PDE7A: variants seen among roughly 807,000 people sequenced by gnomAD.
PDE7A encodes phosphodiesterase 7A.
PDE7A carries 39 observed loss-of-function variants against 64.3 expected under a neutral mutation model. The ratio of observed to expected loss-of-function variants is 0.61; its 90% CI spans 0.47 to 0.79. The LOEUF is 0.79. Ranked by LOEUF, PDE7A falls within the 30% of genes least tolerant of loss-of-function variation. The probability of loss-of-function intolerance (pLI) is 0.00; values close to 1 mark genes in which losing one functional copy is unlikely to be tolerated. For missense variants in PDE7A, 470 were observed against 582.8 expected (o/e 0.81, Z 1.99); for synonymous variants, 203 against 206.8 (o/e 0.98, Z 0.16).
chr8:65,723,250 CAAATGATG>C, intron 12 of PDE7A: 1 of 184,458 alleles, frequency 5.4e-6, no homozygotes, highest in Non-Finnish European at 1.1e-5. Flanking sequence ...ATGGCAGTCC[CAAATGATG>C]CAAAAGAAGC....
chr8:65,824,210 T>G (rs1430321431), intron 1 of PDE7A, among the ~76,000 whole-genome samples: 1 of 152,246 alleles, frequency 6.6e-6, no homozygotes, highest in Non-Finnish European at 1.5e-5. Context: ...TTAATTATTG[T>G]ATTTGTTATG....
rs184097371 is a variant in PDE7A at position 65,811,911 on chromosome 8, G to T, written c.139-29068C>A. Among the ~76,000 whole-genome samples the T allele has an allele frequency of 4.8e-4, 73 of 152,228 alleles. 1 individual carries two copies. The highest frequency in any genetic ancestry group is 3.1e-3 in the Admixed American group (48 of 15,268). The stretch of plus-strand genomic sequence containing the variant: ...CATGAATAGACAGATCAATGGAAAA[G>T]AATAGAAAGTCCAGGCCAGGCGAGG... On this transcript the variant is annotated intron_variant, in intron 1 of 12. Transcript: ENST00000401827.
chr8:65,808,658 A>G (rs1034882587), intron 1 of PDE7A, among the ~76,000 whole-genome samples: 2 of 152,204 alleles, frequency 1.3e-5, no homozygotes, highest in African/African-American at 4.8e-5. Flanking sequence ...TTAATGATGA[A>G]CATGTATTAA....
chr8:65,828,790 A>G (rs1810740531), intron 1 of PDE7A, among the ~76,000 whole-genome samples: 1 of 152,150 alleles, frequency 6.6e-6, no homozygotes, highest in South Asian at 2.1e-4. Flanking sequence ...CTCTTCTGCC[A>G]AAACAAAACA....
chr8:65,723,568 T>C lies in PDE7A; in HGVS notation c.1216A>G (p.Thr406Ala). The C allele has an allele frequency of 1.3e-6, 2 of 1,584,424 alleles. No homozygotes were observed. Among genetic ancestry groups the C allele is most frequent in the Middle Eastern group, 1.7e-4 (1 of 5,950 alleles). ...LGVSPLCDRH[T>A]ESIANIQIGF... Reference sequence around the variant, plus strand: ...ATCTGGATGTTGGCAATAGATTCAGTGTGACGATCGCAAAGTGGACTCACA... The same window carrying C: ...ATCTGGATGTTGGCAATAGATTCAGCGTGACGATCGCAAAGTGGACTCACA... Residue 406 changes from threonine to alanine, a missense_variant, in exon 12 of 13, where the codon ACT becomes GCT. Transcript: ENST00000401827.
intron 1 of PDE7A, among the ~76,000 whole-genome samples, chr8:65,828,445 G>A (rs1187887768): frequency 6.6e-6 from 1 of 152,010 alleles, no homozygotes. Context: ...TGGATACAGA[G>A]TTTTCTGTTG....
chr8:65,822,015 G>GTCCCA (rs1213658261), intron 1 of PDE7A, among the ~76,000 whole-genome samples: 1 of 152,074 alleles, frequency 6.6e-6, no homozygotes, highest in Non-Finnish European at 1.5e-5. Context: ...TTTTGGCTTA[G>GTCCCA]TACTCTCTAG....
chr8:65,775,026 T>C (rs951735707), intron 3 of PDE7A, among the ~76,000 whole-genome samples: 1 of 152,250 alleles, frequency 6.6e-6, no homozygotes, highest in East Asian at 1.9e-4. Flanking sequence ...TCAGTTCTGA[T>C]AAACTGTAAT....
intron 1 of PDE7A, among the ~76,000 whole-genome samples, chr8:65,792,629 T>C (rs1245865075): frequency 1.3e-5 from 2 of 152,208 alleles, no homozygotes; most frequent in Non-Finnish European, 2.9e-5. Context: ...GTAGTGTCTG[T>C]AGAAAACTAT....
At position 65,839,394 on chromosome 8, in the gene PDE7A, T is replaced by C. The variant is rs141360532; in HGVS notation, c.138+1977A>G. The stretch of plus-strand genomic sequence containing the variant: ...CTGAGCAGGATTCCAAGGTTTTCTG[T>C]CTCCTTTTTTTTTTTCCTATTACAA... On this transcript the variant is annotated intron_variant, in intron 1 of 12. Transcript: ENST00000401827. Among the ~76,000 whole-genome samples the C allele has an allele frequency of 5.8e-3, 884 of 151,668 alleles. 9 individuals are homozygous for C. Among genetic ancestry groups the C allele is most frequent in the African/African-American group, 0.02 (836 of 41,418 alleles).
rs565136846 is a variant in PDE7A at position 65,739,406 on chromosome 8, T to C, written c.595+96A>G. ...GCCACTAATTTTGGCTGGTTTGTTA[T>C]AGAGCAATAGCTAACCGATATAACT... On this transcript the variant is annotated intron_variant, in intron 6 of 12. Transcript: ENST00000401827. 5.2e-6 allele frequency: 7 copies of C among 1,343,972 alleles called. No homozygotes were observed. The African/African-American group carries it at 7.6e-5, about 15-fold the overall frequency. The allele number at this position is 1,343,972 out of a possible 1,614,324, so 83.3% of individuals were successfully genotyped here.
At chr8:65,731,799 T>C (rs1164840779) in intron 7 of PDE7A, among the ~76,000 whole-genome samples, 1 of 152,148 alleles carries the variant, frequency 6.6e-6, no homozygotes, top group Non-Finnish European at 1.5e-5. Flanking sequence ...GTATAAAAAC[T>C]GAAAACAAAT....
chr8:65,749,087 C>T (rs1208841728), intron 3 of PDE7A, among the ~76,000 whole-genome samples: 1 of 152,224 alleles, frequency 6.6e-6, no homozygotes, highest in Non-Finnish European at 1.5e-5. Flanking sequence ...ATTCAGTACA[C>T]TGCCCCTATC....
At chr8:65,755,177 C>T (rs981484293) in intron 3 of PDE7A, among the ~76,000 whole-genome samples, 13 of 151,358 alleles carry the variant, frequency 8.6e-5, no homozygotes, top group East Asian at 6.0e-4. Flanking sequence ...CATGCCACCA[C>T]GCCCGGCTAA....
chr8:65,726,002 A>C (rs1389417386), intron 9 of PDE7A, among the ~76,000 whole-genome samples: 1 of 152,226 alleles, frequency 6.6e-6, no homozygotes, highest in African/African-American at 2.4e-5. Context: ...AAAATAAAAA[A>C]TAAAGTCCAG....
chr8:65,807,276 T>C (rs1810134278), intron 1 of PDE7A, among the ~76,000 whole-genome samples: 1 of 152,240 alleles, frequency 6.6e-6, no homozygotes, highest in South Asian at 2.1e-4. Context: ...TCCTAAGTAT[T>C]TTATGCTTTT....
At chr8:65,836,628 T>G (rs1003975614) in intron 1 of PDE7A, among the ~76,000 whole-genome samples, 3 of 152,336 alleles carry the variant, frequency 2.0e-5, no homozygotes, top group Admixed American at 2.0e-4. Flanking sequence ...AACAAAAATG[T>G]TCAACATTCA....
At chr8:65,827,916 G>A (rs1022955976) in intron 1 of PDE7A, among the ~76,000 whole-genome samples, 4 of 152,066 alleles carry the variant, frequency 2.6e-5, no homozygotes, top group Non-Finnish European at 4.4e-5. Flanking sequence ...CATTTTAACA[G>A]ACTATACCTC....
intron 1 of PDE7A, among the ~76,000 whole-genome samples, chr8:65,798,715 A>G (rs1017512418): frequency 6.6e-6 from 1 of 152,204 alleles, no homozygotes; most frequent in African/African-American, 2.4e-5. Flanking sequence ...AAAACTGACA[A>G]TATCTCGTGT....
Sources: allele counts gnomAD v4.1 joint callset (sites outside exome capture counted in the v4.1 genomes callset), GRCh38; gene constraint gnomAD v4.1.1; transcripts MANE v1.5; gene names NCBI Gene and HGNC (gene_info 2026-07-23, HGNC 2026-07-21).